PDE1A: variants seen among roughly 807,000 people sequenced by gnomAD.
The protein encoded by PDE1A is phosphodiesterase 1A, also known as dual specificity calcium/calmodulin-dependent 3',5'-cyclic nucleotide phosphodiesterase 1A.
Under a neutral mutation model 61.7 loss-of-function variants are expected in PDE1A, and 35 were observed. The ratio of observed to expected loss-of-function variants is 0.57; its 90% CI spans 0.43 to 0.75. PDE1A has a LOEUF of 0.75. PDE1A is among the 30% of genes least tolerant of loss of function. The pLI is 0.00. For missense variants in PDE1A, 597 were observed against 630.6 expected (o/e 0.95, Z 0.57); for synonymous variants, 232 against 213.2 (o/e 1.09, Z -0.77).
At chr2:182,267,099 G>C (rs711808) in intron 1 of PDE1A, among the ~76,000 whole-genome samples, 110,611 of 151,906 alleles carry the variant, frequency 0.73, 41,032 homozygotes, top group African/African-American at 0.88. Flanking sequence ...AGGAGACCAT[G>C]GACAAGTGCA....
intron 13 of PDE1A, among the ~76,000 whole-genome samples, chr2:182,183,582 T>C (rs1684948453): frequency 6.6e-6 from 1 of 152,048 alleles, no homozygotes; most frequent in African/African-American, 2.4e-5. Context: ...CAGCCTAGGG[T>C]TGGGGTCCAA....
chr2:182,662,386 T>A, the PDE1A span, among the ~76,000 whole-genome samples: 1 of 137,440 alleles, frequency 7.3e-6, no homozygotes, highest in African/African-American at 2.8e-5. Flanking sequence ...GCCACGACAA[T>A]CCTAAGCAAA....
chr2:182,350,937 G>A (rs575809606), intron 1 of PDE1A, among the ~76,000 whole-genome samples: 16 of 152,238 alleles, frequency 1.1e-4, no homozygotes, highest in South Asian at 2.1e-4. Context: ...TCAAAGAAAG[G>A]CTCTAGTTGT....
intron 1 of PDE1A, among the ~76,000 whole-genome samples, chr2:182,364,491 A>C (rs924772536): frequency 1.4e-5 from 2 of 144,388 alleles, no homozygotes; most frequent in Admixed American, 6.9e-5. Context: ...AAAAAAAAAA[A>C]AAAAAAAACC....
chr2:182,429,283 T>G (rs767460094), upstream of PDE1A, among the ~76,000 whole-genome samples: 1 of 152,136 alleles, frequency 6.6e-6, no homozygotes, highest in Non-Finnish European at 1.5e-5. Context: ...TTTATCACCT[T>G]ATTCAACTTT....
intron 1 of PDE1A, among the ~76,000 whole-genome samples, chr2:182,279,941 T>C (rs971148172): frequency 2.6e-5 from 4 of 151,864 alleles, no homozygotes; most frequent in East Asian, 1.9e-4. Flanking sequence ...ATACCACCTA[T>C]TGGCCTCCTG....
chr2:182,198,485 C>T (rs957615652), intron 10 of PDE1A, among the ~76,000 whole-genome samples: 1 of 151,698 alleles, frequency 6.6e-6, no homozygotes, highest in Non-Finnish European at 1.5e-5. Context: ...TCGCTATAGA[C>T]CTTTGATCAG....
At chr2:182,453,652 A>G (rs910428531) in intron 2 of PDE1A, among the ~76,000 whole-genome samples, 4 of 152,170 alleles carry the variant, frequency 2.6e-5, no homozygotes, top group African/African-American at 9.6e-5. Flanking sequence ...TATAAACAGA[A>G]CCAAAGACAA....
intron 1 of PDE1A, among the ~76,000 whole-genome samples, chr2:182,372,098 ATTT>A (rs1238998112): frequency 6.6e-6 from 1 of 152,136 alleles, no homozygotes; most frequent in Non-Finnish European, 1.5e-5. Context: ...ACTCTGATAT[ATTT>A]TTATTACCGT....
intron 1 of PDE1A, among the ~76,000 whole-genome samples, chr2:182,323,896 A>T (rs373224942): frequency 1.6e-4 from 24 of 152,266 alleles, no homozygotes; most frequent in East Asian, 1.5e-3. Context: ...CCAAGGCACA[A>T]CTGTAGGGCC....
chr2:182,643,668 C>T, the PDE1A span, among the ~76,000 whole-genome samples: 2 of 152,080 alleles, frequency 1.3e-5, no homozygotes, highest in Non-Finnish European at 2.9e-5. Flanking sequence ...ATTAGCATTG[C>T]TCTTTATCTT....
chr2:182,592,908 G>A, the PDE1A span, among the ~76,000 whole-genome samples: 4 of 151,922 alleles, frequency 2.6e-5, no homozygotes, highest in Non-Finnish European at 5.9e-5. Flanking sequence ...GTTAGGAACC[G>A]AAAGCATAAA....
the PDE1A span, among the ~76,000 whole-genome samples, chr2:182,606,408 G>C: frequency 6.6e-6 from 1 of 152,174 alleles, no homozygotes. Context: ...TCGAACTCCT[G>C]ACCTTGTAAT....
chr2:182,644,265 G>C, the PDE1A span, among the ~76,000 whole-genome samples: 225 of 118,610 alleles, frequency 1.9e-3, no homozygotes, highest in Non-Finnish European at 3.4e-3. Context: ...TTAAGACTCT[G>C]TGTGTGTGTG....
At chr2:182,449,538 C>T (rs2125709786) in intron 2 of PDE1A, among the ~76,000 whole-genome samples, 1 of 152,138 alleles carries the variant, frequency 6.6e-6, no homozygotes, top group Middle Eastern at 3.4e-3. Context: ...ATATTGTCAA[C>T]AACATTTCAA....
At chr2:182,237,934 A>C (rs1333452511) in intron 3 of PDE1A, among the ~76,000 whole-genome samples, 1 of 152,186 alleles carries the variant, frequency 6.6e-6, no homozygotes, top group African/African-American at 2.4e-5. Context: ...AACCAGGCTC[A>C]AGTGAATTGG....
the PDE1A span, among the ~76,000 whole-genome samples, chr2:182,550,272 GAAAT>G: frequency 6.6e-6 from 1 of 152,172 alleles, no homozygotes; most frequent in South Asian, 2.1e-4. Flanking sequence ...TAAATACCAT[GAAAT>G]AAATAATTAA....
intron 1 of PDE1A, among the ~76,000 whole-genome samples, chr2:182,373,002 C>G (rs894451037): frequency 6.6e-6 from 1 of 152,236 alleles, no homozygotes; most frequent in African/African-American, 2.4e-5. Context: ...GGCCCAAGCC[C>G]TGTGCACTGG....
At chr2:182,472,973 T>A (rs894101969) in intron 2 of PDE1A, among the ~76,000 whole-genome samples, 92 of 151,614 alleles carry the variant, frequency 6.1e-4, no homozygotes, top group Non-Finnish European at 1.1e-3. Flanking sequence ...TATTTTATTG[T>A]TATTATACTT....
Sources: gnomAD v4.1 joint callset for allele counts (sites outside exome capture counted in the v4.1 genomes callset) on GRCh38, gnomAD v4.1.1 for gene constraint, MANE v1.5 for transcripts, NCBI Gene and HGNC (gene_info 2026-07-23, HGNC 2026-07-21) for gene names.